The following CCDC60 variants were observed in gnomAD, a reference collection of about 807,000 sequenced individuals.
The protein encoded by CCDC60 is coiled-coil domain-containing protein 60.
CCDC60 carries 54 observed loss-of-function variants against 63.5 expected under a neutral mutation model. The observed-to-expected ratio is 0.85, with a 90% CI of 0.68 to 1.07. The LOEUF (loss-of-function observed/expected upper bound fraction) is 1.07. Ranked by LOEUF, CCDC60 falls within the 50% of genes least tolerant of loss-of-function variation. CCDC60 has a pLI of 0.00. For synonymous variants in CCDC60, 206 were observed against 238.8 expected, an observed-to-expected ratio of 0.86 and a Z score of 1.27; for missense variants, 651 against 684.3, an observed-to-expected ratio of 0.95 and a Z score of 0.54.
intron 1 of CCDC60, among the ~76,000 whole-genome samples, chr12:119,360,167 C>A (rs961086250): frequency 7.5e-6 from 1 of 132,594 alleles, no homozygotes; most frequent in African/African-American, 3.2e-5. Context: ...GGGGGGCTGA[C>A]CCCCCCCCAC....
intron 5 of CCDC60, among the ~76,000 whole-genome samples, chr12:119,497,092 T>G (rs1246739486): frequency 6.6e-6 from 1 of 152,168 alleles, no homozygotes; most frequent in East Asian, 1.9e-4. Flanking sequence ...TCCGATGACT[T>G]CAGGACTAGC....
intron 11 of CCDC60, among the ~76,000 whole-genome samples, chr12:119,524,721 C>CTTTTTTT (rs55694840): frequency 0.011 from 1,045 of 98,942 alleles, 21 homozygotes; most frequent in Non-Finnish European, 0.014. Context: ...CTTTTCTTTT[C>CTTTTTTT]TTTTTTTTTT....
intron 2 of CCDC60, among the ~76,000 whole-genome samples, chr12:119,470,946 G>A (rs1224394147): frequency 1.3e-5 from 2 of 152,154 alleles, no homozygotes; most frequent in Non-Finnish European, 2.9e-5. Context: ...TGCTTACTAG[G>A]AATTTGGAGA....
intron 6 of CCDC60, among the ~76,000 whole-genome samples, chr12:119,501,759 G>A (rs1270696619): frequency 2.0e-5 from 3 of 152,184 alleles, no homozygotes; most frequent in African/African-American, 4.8e-5. Context: ...AATTGGAGGA[G>A]GGGAGGGGGA....
chr12:119,484,453 C>G (rs1000840588), intron 4 of CCDC60, among the ~76,000 whole-genome samples: 5 of 151,970 alleles, frequency 3.3e-5, no homozygotes, highest in African/African-American at 1.2e-4. Flanking sequence ...CAGTGGCTCA[C>G]GTCTGTAATC....
At chr12:119,530,317 A>G (rs1952805199) in intron 12 of CCDC60, among the ~76,000 whole-genome samples, 1 of 151,916 alleles carries the variant, frequency 6.6e-6, no homozygotes, top group Non-Finnish European at 1.5e-5. Flanking sequence ...TCACATCTGA[A>G]CCATCTCCTT....
rs2136255242 is a variant in CCDC60, at chr12:119,439,520, C to T, written c.170+10758C>T. Among the ~76,000 whole-genome samples the T allele has an allele frequency of 1.3e-5, 2 of 152,292 alleles. 1 individual carries two copies. Among genetic ancestry groups the T allele is most frequent in the East Asian group, 3.9e-4 (2 of 5,194 alleles). On this transcript the variant is annotated intron_variant, in intron 2 of 13. Transcript: ENST00000327554. Reference sequence around the variant, plus strand: ...TCTTTTATCATTTTCAATATTGTTGCAACAATGCTGACCTCTGTTCTCCCA... The same window carrying T: ...TCTTTTATCATTTTCAATATTGTTGTAACAATGCTGACCTCTGTTCTCCCA...
At chr12:119,533,346 A>G (rs1259172282) in intron 13 of CCDC60, among the ~76,000 whole-genome samples, 1 of 152,062 alleles carries the variant, frequency 6.6e-6, no homozygotes, top group Non-Finnish European at 1.5e-5. Flanking sequence ...AGATTGCAAA[A>G]ATTTTCTCCC....
chr12:119,335,727 A>C (rs956024569), intron 1 of CCDC60, among the ~76,000 whole-genome samples: 1 of 151,908 alleles, frequency 6.6e-6, no homozygotes, highest in Non-Finnish European at 1.5e-5. Context: ...ATGTTGCGAA[A>C]ATTTTCTCCC....
At chr12:119,422,145 C>G (rs1201139241) in intron 1 of CCDC60, among the ~76,000 whole-genome samples, 2 of 152,148 alleles carry the variant, frequency 1.3e-5, no homozygotes, top group African/African-American at 2.4e-5. Flanking sequence ...ACTTTGTTTT[C>G]TAGGAAACAA....
chr12:119,462,399 T>A (rs542401613), intron 2 of CCDC60, among the ~76,000 whole-genome samples: 1 of 152,354 alleles, frequency 6.6e-6, no homozygotes, highest in African/African-American at 2.4e-5. Flanking sequence ...GCCACTAGGA[T>A]GCTCAGGGCC....
At chr12:119,418,386 C>CTTTTTT (rs556783132) in intron 1 of CCDC60, among the ~76,000 whole-genome samples, 3 of 65,760 alleles carry the variant, frequency 4.6e-5, no homozygotes, top group African/African-American at 6.4e-5. Flanking sequence ...TTCTTTCTTT[C>CTTTTTT]TTTTTTTTTT....
At chr12:119,337,314 G>T (rs147813347) in intron 1 of CCDC60, among the ~76,000 whole-genome samples, 116 of 152,340 alleles carry the variant, frequency 7.6e-4, no homozygotes, top group Admixed American at 1.6e-3. Context: ...AGAGGGAAAT[G>T]AACACTTCAA....
intron 1 of CCDC60, among the ~76,000 whole-genome samples, chr12:119,346,776 C>CTTTCTTTCT (rs1491128234): frequency 2.0e-3 from 92 of 46,416 alleles, no homozygotes; most frequent in African/African-American, 7.9e-3. Flanking sequence ...TCATCTTTCT[C>CTTTCTTTCT]TTTCTTTCTT....
intron 1 of CCDC60, among the ~76,000 whole-genome samples, chr12:119,384,394 C>A (rs1291596881): frequency 2.6e-5 from 4 of 152,192 alleles, no homozygotes; most frequent in Admixed American, 6.5e-5. Context: ...ATAAAGGCAG[C>A]TGGGTGATGA....
intron 1 of CCDC60, among the ~76,000 whole-genome samples, chr12:119,379,122 A>G (rs970191648): frequency 3.3e-5 from 5 of 152,258 alleles, no homozygotes; most frequent in Non-Finnish European, 7.3e-5. Context: ...AGAAAACACT[A>G]GGAGCTCATG....
At chr12:119,386,870 T>C (rs1000140819) in intron 1 of CCDC60, among the ~76,000 whole-genome samples, 6 of 152,158 alleles carry the variant, frequency 3.9e-5, no homozygotes, top group Non-Finnish European at 8.8e-5. Flanking sequence ...CAAATTCTTA[T>C]GGTTCCAAGT....
chr12:119,535,577 C>T (rs1355546642), intron 13 of CCDC60, among the ~76,000 whole-genome samples: 2 of 152,188 alleles, frequency 1.3e-5, no homozygotes, highest in African/African-American at 2.4e-5. Context: ...CCTCTACACA[C>T]TGCTTTAAGT....
intron 8 of CCDC60, among the ~76,000 whole-genome samples, chr12:119,517,753 T>G (rs1371917918): frequency 6.6e-6 from 1 of 152,094 alleles, no homozygotes; most frequent in Non-Finnish European, 1.5e-5. Flanking sequence ...CGGGAATCCT[T>G]TGAAGTTTCA....
Sources: allele counts gnomAD v4.1 joint callset (sites outside exome capture counted in the v4.1 genomes callset), GRCh38; gene constraint gnomAD v4.1.1; transcripts MANE v1.5; gene names NCBI Gene and HGNC (gene_info 2026-07-23, HGNC 2026-07-21).